The following MYT1L variants were observed in gnomAD, a reference collection of about 807,000 sequenced individuals.
MYT1L encodes the protein myelin transcription factor 1-like protein.
MYT1L carries 12 observed loss-of-function variants against 126.7 expected under a neutral mutation model. That is an observed-to-expected ratio of 0.09 (90% CI 0.06 to 0.15). MYT1L has a LOEUF of 0.15. MYT1L is among the 10% of genes least tolerant of loss of function. The pLI, the probability that MYT1L is intolerant of heterozygous loss-of-function variation, is 1.00. For synonymous variants in MYT1L, 541 were observed against 604.2 expected (o/e 0.90, Z 1.53); for missense variants, 979 against 1,585.2 (o/e 0.62, Z 6.49).
chr2:2,095,023 C>A (rs1292980569), intron 3 of MYT1L, among the ~76,000 whole-genome samples: 1 of 152,202 alleles, frequency 6.6e-6, no homozygotes, highest in Non-Finnish European at 1.5e-5. Flanking sequence ...GGAACCCAGT[C>A]CAGCAGGGGT....
intron 2 of MYT1L, among the ~76,000 whole-genome samples, chr2:2,276,885 T>C (rs1373862991): frequency 6.6e-6 from 1 of 152,222 alleles, no homozygotes; most frequent in Non-Finnish European, 1.5e-5. Flanking sequence ...GGAACACTCC[T>C]GTCCCCAGAG....
At chr2:2,109,481 C>T (rs750732191) in intron 3 of MYT1L, among the ~76,000 whole-genome samples, 4 of 151,814 alleles carry the variant, frequency 2.6e-5, no homozygotes, top group East Asian at 3.9e-4. Flanking sequence ...AGGCACCTGC[C>T]GGGCCTCAGA....
At chr2:2,282,574 G>A (rs2095463305) in intron 2 of MYT1L, among the ~76,000 whole-genome samples, 1 of 152,140 alleles carries the variant, frequency 6.6e-6, no homozygotes, top group African/African-American at 2.4e-5. Flanking sequence ...CTTGAGTCAA[G>A]CAATTCTACT....
At chr2:2,041,895 T>C (rs2067589139) in intron 4 of MYT1L, among the ~76,000 whole-genome samples, 1 of 152,314 alleles carries the variant, frequency 6.6e-6, no homozygotes, top group Admixed American at 6.5e-5. Flanking sequence ...TCCAGTGAGA[T>C]TGTACTACAA....
intron 3 of MYT1L, among the ~76,000 whole-genome samples, chr2:2,152,990 T>C (rs1016410222): frequency 2.0e-5 from 3 of 152,152 alleles, no homozygotes; most frequent in Non-Finnish European, 4.4e-5. Context: ...CAGATATTGA[T>C]GCCACTGAGC....
At chr2:2,307,182 G>T (rs555528415) in intron 1 of MYT1L, among the ~76,000 whole-genome samples, 1 of 152,212 alleles carries the variant, frequency 6.6e-6, no homozygotes, top group African/African-American at 2.4e-5. Flanking sequence ...GAGAATGGGC[G>T]GGGAATTACC....
At chr2:2,304,247 G>A (rs868747857) in intron 1 of MYT1L, among the ~76,000 whole-genome samples, 1 of 152,196 alleles carries the variant, frequency 6.6e-6, no homozygotes, top group Non-Finnish European at 1.5e-5. Context: ...TTCTCCAGGG[G>A]ATACAGTCTG....
At chr2:1,930,020 C>T (rs1018898368) in intron 9 of MYT1L, among the ~76,000 whole-genome samples, 4 of 152,218 alleles carry the variant, frequency 2.6e-5, no homozygotes, top group Non-Finnish European at 5.9e-5. Flanking sequence ...GTCAGAAAGA[C>T]AGATCTCGGC....
At chr2:1,796,005 A>C (rs2033404445) in intron 23 of MYT1L, among the ~76,000 whole-genome samples, 2 of 152,264 alleles carry the variant, frequency 1.3e-5, no homozygotes. Flanking sequence ...AGACTAAGCT[A>C]AGAATGGCGT....
chr2:2,082,241 A>C, intron 3 of MYT1L, among the ~76,000 whole-genome samples: 1 of 152,372 alleles, frequency 6.6e-6, no homozygotes, highest in East Asian at 1.9e-4. Flanking sequence ...TTACAAATGA[A>C]GAAACTGAGA....
intron 18 of MYT1L, among the ~76,000 whole-genome samples, chr2:1,877,762 G>A (rs1439283939): frequency 6.7e-6 from 1 of 149,276 alleles, no homozygotes; most frequent in Non-Finnish European, 1.5e-5. Context: ...ACCAAAAATT[G>A]CCTAAAATAG....
At chr2:1,996,621 C>A (rs933586315) in intron 5 of MYT1L, among the ~76,000 whole-genome samples, 1 of 129,692 alleles carries the variant, frequency 7.7e-6, no homozygotes, top group African/African-American at 3.0e-5. Context: ...GTGGGCTGTA[C>A]AGAACCGAGT....
chr2:1,813,456 TGGAATATTTCCTAGAGCAG>T (rs1249244208), intron 21 of MYT1L, among the ~76,000 whole-genome samples: 1 of 152,140 alleles, frequency 6.6e-6, no homozygotes, highest in East Asian at 1.9e-4. Flanking sequence ...CTGCCGATGC[TGGAATATTTCCTAGAGCAG>T]GGGTCCCCAA....
chr2:1,879,054 T>C (rs753190971), intron 18 of MYT1L, among the ~76,000 whole-genome samples: 1 of 152,152 alleles, frequency 6.6e-6, no homozygotes, highest in Admixed American at 6.5e-5. Flanking sequence ...AGATCACATG[T>C]AAGAGAGAGC....
intron 1 of MYT1L, among the ~76,000 whole-genome samples, chr2:2,285,430 G>T (rs1384575390): frequency 6.6e-6 from 1 of 152,192 alleles, no homozygotes; most frequent in Admixed American, 6.5e-5. Flanking sequence ...TAGGGTGGTG[G>T]AAGAAAAGGA....
At chr2:1,866,092 G>A (rs917385785) in intron 18 of MYT1L, among the ~76,000 whole-genome samples, 6 of 152,218 alleles carry the variant, frequency 3.9e-5, no homozygotes, top group African/African-American at 1.4e-4. Flanking sequence ...AGTTGCCTGC[G>A]ATGGAGCAGC....
chr2:2,029,350 G>A (rs1359249184), intron 4 of MYT1L, among the ~76,000 whole-genome samples: 2 of 152,192 alleles, frequency 1.3e-5, no homozygotes, highest in Non-Finnish European at 2.9e-5. Flanking sequence ...CCACATGGCT[G>A]GGGAGGCCTC....
At chr2:2,091,670 TTCCAATATAAGGC>T in intron 3 of MYT1L, among the ~76,000 whole-genome samples, 1 of 152,136 alleles carries the variant, frequency 6.6e-6, no homozygotes, top group East Asian at 1.9e-4. Flanking sequence ...GCTTATATTC[TTCCAATATAAGGC>T]TGTTTCATCT....
chr2:2,327,480 T>C (rs2096256843), intron 1 of MYT1L, among the ~76,000 whole-genome samples: 1 of 149,572 alleles, frequency 6.7e-6, no homozygotes, highest in Non-Finnish European at 1.5e-5. Flanking sequence ...AAAAAGAAGA[T>C]ATTCAAAAAA....
Sources: gnomAD v4.1 joint callset for allele counts (sites outside exome capture counted in the v4.1 genomes callset) on GRCh38, gnomAD v4.1.1 for gene constraint, MANE v1.5 for transcripts, NCBI Gene and HGNC (gene_info 2026-07-23, HGNC 2026-07-21) for gene names.